The following CWC27 variants were observed in gnomAD, a reference collection of about 807,000 sequenced individuals.
The protein encoded by CWC27 is spliceosome-associated protein CWC27 homolog.
Under a neutral mutation model 63.6 loss-of-function variants are expected in CWC27, and 47 were observed. The observed-to-expected ratio is 0.74, with a 90% CI of 0.58 to 0.94. CWC27 has a LOEUF of 0.94. Among genes scored for constraint, CWC27 ranks in the 40% least tolerant of loss-of-function variants. The probability of loss-of-function intolerance (pLI) is 0.00; values close to 1 mark genes in which losing one functional copy is unlikely to be tolerated. For missense variants in CWC27, 495 were observed against 554.3 expected (o/e 0.89, Z 1.07); for synonymous variants, 175 against 179.8 (o/e 0.97, Z 0.22).
At chr5:64,987,853 G>A (rs73093027) in intron 13 of CWC27, among the ~76,000 whole-genome samples, 1,552 of 152,000 alleles carry the variant, frequency 0.01, 32 homozygotes, top group African/African-American at 0.036. Context: ...TTTTCTCTAC[G>A]ATTTTTTCAT....
At chr5:64,819,440 T>G (rs62369298) in intron 10 of CWC27, among the ~76,000 whole-genome samples, 1 of 151,808 alleles carries the variant, frequency 6.6e-6, no homozygotes, top group Non-Finnish European at 1.5e-5. Context: ...TGTAGCTCCC[T>G]TAATTCCCAC....
chr5:64,851,949 T>TA (rs996454110), intron 10 of CWC27, among the ~76,000 whole-genome samples: 5 of 152,178 alleles, frequency 3.3e-5, no homozygotes, highest in African/African-American at 1.2e-4. Context: ...TAGAAACTAA[T>TA]AACAGTTTCA....
At chr5:64,866,196 A>G (rs1561439858) in intron 10 of CWC27, among the ~76,000 whole-genome samples, 1 of 152,056 alleles carries the variant, frequency 6.6e-6, no homozygotes, top group Non-Finnish European at 1.5e-5. Flanking sequence ...GTGTACACAT[A>G]CTTTGCTGAT....
intron 11 of CWC27, among the ~76,000 whole-genome samples, chr5:64,921,578 G>A (rs759807189): frequency 6.6e-6 from 1 of 152,110 alleles, no homozygotes; most frequent in Non-Finnish European, 1.5e-5. Context: ...TCTCTTGAAG[G>A]CAGCAGACAG....
chr5:64,887,316 C>G (rs538045664), intron 11 of CWC27, among the ~76,000 whole-genome samples: 213 of 152,144 alleles, frequency 1.4e-3, no homozygotes, highest in African/African-American at 5.0e-3. Flanking sequence ...TTTCTTAATG[C>G]AAAAGAGAAG....
rs144496241 is a variant in CWC27 at position 64,883,018 on chromosome 5, T to G, written c.939-2425T>G. 3.7e-3 allele frequency among the ~76,000 whole-genome samples: 571 copies of G among 152,340 alleles called. 1 individual carries two copies. The highest frequency in any genetic ancestry group is 0.013 in the African/African-American group (535 of 41,580). On this transcript the variant is annotated intron_variant, in intron 10 of 13. Coordinates refer to ENST00000381070, the MANE Select transcript of CWC27 (RefSeq NM_005869.4). ...AATTTATAAAGAAAAGAGGTTTAATTGACTCACAGTTCTGCATGACTGGGG... is the reference window on the plus strand; with the variant it reads ...AATTTATAAAGAAAAGAGGTTTAATGGACTCACAGTTCTGCATGACTGGGG...
At chr5:64,918,352 T>C (rs1330296576) in intron 11 of CWC27, among the ~76,000 whole-genome samples, 2 of 152,136 alleles carry the variant, frequency 1.3e-5, no homozygotes, top group African/African-American at 4.8e-5. Flanking sequence ...AGCTCTATTA[T>C]ACAAAATGGT....
intron 8 of CWC27, among the ~76,000 whole-genome samples, chr5:64,800,694 T>TA (rs1360757201): frequency 6.6e-6 from 1 of 152,216 alleles, no homozygotes; most frequent in East Asian, 1.9e-4. Context: ...AAATTACAGT[T>TA]AAAGGTTTTT....
chr5:64,928,581 G>GACACACAC (rs147833157), intron 11 of CWC27, among the ~76,000 whole-genome samples: 81 of 149,564 alleles, frequency 5.4e-4, no homozygotes, highest in African/African-American at 1.8e-3. Flanking sequence ...AACAAAGTGT[G>GACACACAC]ACACACACAC....
At chr5:64,809,986 G>A (rs1471363394) in intron 10 of CWC27, among the ~76,000 whole-genome samples, 1 of 151,514 alleles carries the variant, frequency 6.6e-6, no homozygotes, top group Non-Finnish European at 1.5e-5. Flanking sequence ...GTGTCATCAG[G>A]CTATTCCCGC....
At chr5:64,804,410 A>G in intron 10 of CWC27, 24 bp downstream of exon 10, 1 of 1,553,528 alleles carries the variant, frequency 6.4e-7, no homozygotes, top group Non-Finnish European at 8.7e-7. Context: ...TGTGCTAGAT[A>G]TCAGAGTTTT....
chr5:64,923,608 G>T (rs975664297), intron 11 of CWC27, among the ~76,000 whole-genome samples: 1 of 143,748 alleles, frequency 7.0e-6, no homozygotes, highest in African/African-American at 2.6e-5. Context: ...TTTCCTGGCT[G>T]TATCTAGTCG....
At chr5:64,968,924 T>C (rs957126736) in intron 11 of CWC27, among the ~76,000 whole-genome samples, 2 of 152,212 alleles carry the variant, frequency 1.3e-5, no homozygotes, top group Non-Finnish European at 2.9e-5. Context: ...TTCTAAGTTA[T>C]TAAAAGGCCA....
intron 13 of CWC27, among the ~76,000 whole-genome samples, chr5:64,978,736 GC>G (rs998486206): frequency 6.6e-6 from 1 of 151,382 alleles, no homozygotes; most frequent in African/African-American, 2.4e-5. Context: ...GAATCCATAT[GC>G]ATTTTTGAAG....
chr5:64,788,819 A>G, intron 6 of CWC27, 132 bp from the exon 7 acceptor site: 1 of 605,644 alleles, frequency 1.7e-6, no homozygotes, highest in Non-Finnish European at 2.9e-6. Context: ...ACTGAGTAAT[A>G]TGGTCTTTTT....
At chr5:64,772,733 C>T (rs952622104) in intron 1 of CWC27, among the ~76,000 whole-genome samples, 3 of 149,490 alleles carry the variant, frequency 2.0e-5, no homozygotes, top group African/African-American at 7.4e-5. Flanking sequence ...ATCAGGAGCT[C>T]GAGACCAGCC....
chr5:64,816,331 C>G (rs1489880811), intron 10 of CWC27, among the ~76,000 whole-genome samples: 1 of 152,150 alleles, frequency 6.6e-6, no homozygotes, highest in Non-Finnish European at 1.5e-5. Context: ...ATCCTTCCTT[C>G]CCTCTTACCA....
chr5:64,923,154 C>G (rs1748030569), intron 11 of CWC27, among the ~76,000 whole-genome samples: 1 of 152,140 alleles, frequency 6.6e-6, no homozygotes, highest in Admixed American at 6.5e-5. Flanking sequence ...CACTTTCCAG[C>G]AGGACGCTGT....
intron 10 of CWC27, among the ~76,000 whole-genome samples, chr5:64,881,183 A>G (rs1002126353): frequency 3.9e-5 from 6 of 152,076 alleles, no homozygotes; most frequent in African/African-American, 2.4e-5. Flanking sequence ...AGATTTTGAC[A>G]ACATTGTAAA....
Sources: gnomAD v4.1 joint callset for allele counts (sites outside exome capture counted in the v4.1 genomes callset) on GRCh38, gnomAD v4.1.1 for gene constraint, MANE v1.5 for transcripts, NCBI Gene and HGNC (gene_info 2026-07-23, HGNC 2026-07-21) for gene names.